CHST11: variants seen among roughly 807,000 people sequenced by gnomAD.
The protein encoded by CHST11 is carbohydrate sulfotransferase 11.
CHST11 carries 9 observed loss-of-function variants against 30.4 expected under a neutral mutation model. That is an observed-to-expected ratio of 0.30 (90% CI 0.18 to 0.52). The LOEUF is 0.52. Among genes scored for constraint, CHST11 ranks in the 20% least tolerant of loss-of-function variants. The probability of loss-of-function intolerance (pLI) is 0.97; values close to 1 mark genes in which losing one functional copy is unlikely to be tolerated. For synonymous variants in CHST11, 152 were observed against 187.8 expected (o/e 0.81, Z 1.56); for missense variants, 348 against 460.6 (o/e 0.76, Z 2.24).
chr12:104,725,793 C>G (rs539380087), intron 2 of CHST11, among the ~76,000 whole-genome samples: 2 of 152,180 alleles, frequency 1.3e-5, no homozygotes, highest in South Asian at 4.1e-4. Context: ...GTGGGTCTCA[C>G]AGCCCCAGGT....
chr12:104,578,292 C>T (rs961614255), intron 1 of CHST11, among the ~76,000 whole-genome samples: 1 of 152,164 alleles, frequency 6.6e-6, no homozygotes, highest in Non-Finnish European at 1.5e-5. Context: ...TCGTTGAACC[C>T]CGAGTTCCGT....
At chr12:104,517,630 C>T (rs1015806260) in intron 1 of CHST11, among the ~76,000 whole-genome samples, 2 of 152,170 alleles carry the variant, frequency 1.3e-5, no homozygotes, top group Non-Finnish European at 2.9e-5. Flanking sequence ...TCTGGCCACA[C>T]TGAAGTCCCT....
intron 1 of CHST11, among the ~76,000 whole-genome samples, chr12:104,571,866 T>C (rs903879799): frequency 6.6e-6 from 1 of 152,222 alleles, no homozygotes; most frequent in Admixed American, 6.5e-5. Context: ...TAGATAGCTC[T>C]TATTATTTTG....
intron 1 of CHST11, among the ~76,000 whole-genome samples, chr12:104,516,159 G>C (rs1459724263): frequency 6.6e-6 from 1 of 152,162 alleles, no homozygotes; most frequent in African/African-American, 2.4e-5. Flanking sequence ...AATGGAGGCA[G>C]TTTAGTAGCA....
intron 2 of CHST11, among the ~76,000 whole-genome samples, chr12:104,654,141 C>T (rs1200136413): frequency 6.6e-6 from 1 of 152,124 alleles, no homozygotes; most frequent in Non-Finnish European, 1.5e-5. Context: ...GAAGGCAAGG[C>T]CCTGCCTTCA....
chr12:104,634,318 T>C (rs1278685172), intron 2 of CHST11, among the ~76,000 whole-genome samples: 1 of 152,184 alleles, frequency 6.6e-6, no homozygotes, highest in Non-Finnish European at 1.5e-5. Context: ...TTTGGCCATC[T>C]AGGCTCTCTG....
chr12:104,568,287 C>T (rs2038588181), intron 1 of CHST11, among the ~76,000 whole-genome samples: 1 of 152,214 alleles, frequency 6.6e-6, no homozygotes, highest in Non-Finnish European at 1.5e-5. Flanking sequence ...TGTCTAGCAG[C>T]TACCGTTGCC....
intron 2 of CHST11, among the ~76,000 whole-genome samples, chr12:104,728,619 G>A (rs1214826367): frequency 6.6e-6 from 1 of 152,194 alleles, no homozygotes; most frequent in African/African-American, 2.4e-5. Flanking sequence ...TGGCCATGAT[G>A]TGCTCTTGTC....
intron 1 of CHST11, among the ~76,000 whole-genome samples, chr12:104,538,344 A>G (rs1389070387): frequency 1.3e-5 from 2 of 152,204 alleles, no homozygotes; most frequent in Non-Finnish European, 2.9e-5. Flanking sequence ...AGAGGTAAGG[A>G]TCTGTTCTCA....
intron 2 of CHST11, among the ~76,000 whole-genome samples, chr12:104,688,297 G>A (rs923595085): frequency 6.6e-6 from 1 of 151,998 alleles, no homozygotes; most frequent in African/African-American, 2.4e-5. Context: ...AATGCTTTCC[G>A]TCTAGATTGA....
rs2037356464 is a variant in CHST11 at position 104,457,129 on chromosome 12, G to A, written c.-283G>A. On this transcript the variant is annotated 5_prime_UTR_variant, in exon 1 of 3. Transcript: ENST00000303694. Reference sequence around the variant, plus strand: ...CCGCGACCAGGCAGCGGCGGCCGCCGGCGGGATCGGAGGAGGCGGCGGAGC... The same window carrying A: ...CCGCGACCAGGCAGCGGCGGCCGCCAGCGGGATCGGAGGAGGCGGCGGAGC... The A allele has an allele frequency of 7.8e-6, 2 of 256,416 alleles. No homozygotes were observed. Among genetic ancestry groups the A allele is most frequent in the Non-Finnish European group, 1.5e-5 (2 of 135,580 alleles). The allele number at this position is 256,416 out of a possible 1,614,324, so 15.9% of individuals were successfully genotyped here. A position where few individuals can be genotyped will look rare whatever the true frequency, so the allele number is the denominator to read the frequency against.
intron 2 of CHST11, among the ~76,000 whole-genome samples, chr12:104,699,478 A>G (rs1479549247): frequency 6.6e-6 from 1 of 152,234 alleles, no homozygotes; most frequent in Non-Finnish European, 1.5e-5. Flanking sequence ...GGTGGCTGCT[A>G]GAACATTTTA....
intron 2 of CHST11, among the ~76,000 whole-genome samples, chr12:104,619,683 T>TG (rs1214879903): frequency 1.3e-5 from 2 of 152,160 alleles, no homozygotes; most frequent in Non-Finnish European, 2.9e-5. Flanking sequence ...GCTGCTTATC[T>TG]GGGGGCTGCC....
At chr12:104,582,439 G>A (rs1342826701) in intron 1 of CHST11, among the ~76,000 whole-genome samples, 1 of 152,164 alleles carries the variant, frequency 6.6e-6, no homozygotes, top group Non-Finnish European at 1.5e-5. Context: ...TTGACCAGAT[G>A]TGTCAGACAG....
chr12:104,608,710 G>A (rs541411216), intron 2 of CHST11, among the ~76,000 whole-genome samples: 29 of 152,124 alleles, frequency 1.9e-4, no homozygotes, highest in Non-Finnish European at 3.8e-4. Context: ...AAGCATACAT[G>A]CTGAGGTTGT....
At chr12:104,621,480 C>CAA (rs907358347) in intron 2 of CHST11, among the ~76,000 whole-genome samples, 1 of 152,190 alleles carries the variant, frequency 6.6e-6, no homozygotes, top group Admixed American at 6.5e-5. Context: ...AGGGACTTTG[C>CAA]AAAGGCAGTT....
intron 2 of CHST11, among the ~76,000 whole-genome samples, chr12:104,701,364 G>A (rs1009291230): frequency 1.3e-5 from 2 of 152,068 alleles, no homozygotes; most frequent in Non-Finnish European, 2.9e-5. Context: ...ATGTTATTGG[G>A]GACAGGCAAA....
intron 2 of CHST11, among the ~76,000 whole-genome samples, chr12:104,705,704 TG>T (rs2040026531): frequency 6.6e-6 from 1 of 152,138 alleles, no homozygotes; most frequent in African/African-American, 2.4e-5. Context: ...GAGGATTGTT[TG>T]GGGCCAGGAG....
chr12:104,590,016 A>G (rs1704897), intron 1 of CHST11, among the ~76,000 whole-genome samples: 83,034 of 148,974 alleles, frequency 0.56, 23,164 homozygotes, highest in East Asian at 0.72. Flanking sequence ...CTCAAAATTA[A>G]ATAAATAAAT....
Sources: gnomAD v4.1 joint callset for allele counts (sites outside exome capture counted in the v4.1 genomes callset) on GRCh38, gnomAD v4.1.1 for gene constraint, MANE v1.5 for transcripts, NCBI Gene and HGNC (gene_info 2026-07-23, HGNC 2026-07-21) for gene names.